The following CEP85L variants were observed in gnomAD, a reference collection of about 807,000 sequenced individuals.
CEP85L encodes the protein centrosomal protein 85L.
CEP85L carries 60 observed loss-of-function variants against 100.3 expected under a neutral mutation model. The observed-to-expected ratio is 0.60, with a 90% CI of 0.49 to 0.74. The LOEUF is 0.74. Ranked by LOEUF, CEP85L falls within the 30% of genes least tolerant of loss-of-function variation. The pLI is 0.00. For missense variants in CEP85L, 973 were observed against 936.2 expected, an observed-to-expected ratio of 1.04 and a Z score of -0.51; for synonymous variants, 319 against 322.7, an observed-to-expected ratio of 0.99 and a Z score of 0.12.
At chr6:118,615,705 G>C (rs575843915) in intron 2 of CEP85L, among the ~76,000 whole-genome samples, 1 of 152,214 alleles carries the variant, frequency 6.6e-6, no homozygotes, top group Non-Finnish European at 1.5e-5. Flanking sequence ...CTTGAGGGCT[G>C]CAGACGGAGG....
chr6:118,692,716 A>G (rs773075563), intron 1 of CEP85L, among the ~76,000 whole-genome samples: 26 of 64,942 alleles, frequency 4.0e-4, no homozygotes, highest in Non-Finnish European at 9.2e-4. Context: ...ACACTTTCAG[A>G]CTTGGGAAGA....
intron 2 of CEP85L, among the ~76,000 whole-genome samples, chr6:118,591,034 T>C (rs1781162274): frequency 6.6e-6 from 1 of 152,182 alleles, no homozygotes; most frequent in African/African-American, 2.4e-5. Flanking sequence ...TCAGTTCAGC[T>C]GGGTAAGGGT....
intron 1 of CEP85L, among the ~76,000 whole-genome samples, chr6:118,695,456 A>G (rs1777174472): frequency 6.6e-6 from 1 of 152,184 alleles, no homozygotes; most frequent in Non-Finnish European, 1.5e-5. Flanking sequence ...ATGCACCAAT[A>G]CTTTTTTAGA....
chr6:118,686,196 G>GT lies in CEP85L; in HGVS notation c.-28+23839dup, dbSNP rs11364398. 3.8e-3 allele frequency among the ~76,000 whole-genome samples: 560 copies of GT among 149,166 alleles called. 2 individuals are homozygous for GT. The highest frequency in any genetic ancestry group is 0.012 in the African/African-American group (499 of 40,574). On this transcript the variant is annotated intron_variant, in intron 1 of 13. Coordinates refer to the CEP85L transcript ENST00000368488. Reference sequence around the variant, plus strand: ...ATATGTTCTAAATGTAGCAACACATGTTTTTTTTTTTTTAGAAACAACTTT... The same window carrying GT: ...ATATGTTCTAAATGTAGCAACACATGTTTTTTTTTTTTTTAGAAACAACTTT...
chr6:118,512,020 A>T (rs889359950), intron 4 of CEP85L, among the ~76,000 whole-genome samples: 3 of 152,068 alleles, frequency 2.0e-5, no homozygotes, highest in Non-Finnish European at 2.9e-5. Flanking sequence ...GGCAGGGACT[A>T]GTTTTGCCCT....
Position 118,559,097 on chromosome 6 carries a change from C to G in CEP85L, c.1020+6432G>C, listed in dbSNP as rs970310064. ...CTTCTCTGAAGTTCTGCTACAACCT[C>G]TAGATCTGCAGCTTGCCACATCAGC... On this transcript the variant is annotated intron_variant, in intron 3 of 12. Transcript: ENST00000368491. The G allele has an allele frequency of 9.4e-6, 15 of 1,597,786 alleles. No individual in the cohort carries two copies. Among genetic ancestry groups the G allele is most frequent in the Non-Finnish European group, 1.3e-5 (15 of 1,165,138 alleles).
chr6:118,520,326 CTACT>C (rs888411551), intron 4 of CEP85L, among the ~76,000 whole-genome samples: 93 of 152,188 alleles, frequency 6.1e-4, no homozygotes, highest in South Asian at 4.1e-4. Flanking sequence ...AAAAAAATAC[CTACT>C]TAAACTAATA....
intron 1 of CEP85L, among the ~76,000 whole-genome samples, chr6:118,696,805 A>G (rs1378140667): frequency 1.3e-5 from 2 of 152,198 alleles, no homozygotes; most frequent in African/African-American, 4.8e-5. Context: ...GTTCTAAGAT[A>G]GGGTGGTGCA....
At chr6:118,607,060 C>G (rs1772273626) in intron 2 of CEP85L, among the ~76,000 whole-genome samples, 1 of 151,898 alleles carries the variant, frequency 6.6e-6, no homozygotes, top group African/African-American at 2.4e-5. Context: ...CAAGCTGCAT[C>G]ATAAAGGAAA....
intron 5 of CEP85L, among the ~76,000 whole-genome samples, chr6:118,498,362 A>G (rs1775057086): frequency 6.6e-6 from 1 of 152,048 alleles, no homozygotes; most frequent in Non-Finnish European, 1.5e-5. Flanking sequence ...TACAAATGAT[A>G]AAAGACAAAG....
intron 3 of CEP85L, among the ~76,000 whole-genome samples, chr6:118,538,694 T>A (rs377513253): frequency 8.6e-6 from 1 of 115,696 alleles, no homozygotes; most frequent in East Asian, 2.2e-4. Context: ...GACAGTAACT[T>A]ACTTTCTTTA....
chr6:118,617,719 T>TC (rs1773159880), intron 2 of CEP85L, among the ~76,000 whole-genome samples: 1 of 152,130 alleles, frequency 6.6e-6, no homozygotes, highest in African/African-American at 2.4e-5. Flanking sequence ...TCTCTCTTGG[T>TC]CCAAGTATCT....
intron 1 of CEP85L, among the ~76,000 whole-genome samples, chr6:118,660,740 C>A (rs1441013349): frequency 6.6e-6 from 1 of 152,210 alleles, no homozygotes; most frequent in Admixed American, 6.5e-5. Context: ...AAGATACTCT[C>A]ATTCCACTAC....
intron 8 of CEP85L, 80 bp downstream of exon 8, chr6:118,481,699 A>G: frequency 1.2e-6 from 1 of 857,894 alleles, no homozygotes; most frequent in South Asian, 2.3e-5. Flanking sequence ...ATAAAATAAA[A>G]ATTATAAATT....
In CEP85L at chr6:118,515,785, T is replaced by C. The variant is rs543605164; in HGVS notation, c.1140-4370A>G. Among the ~76,000 whole-genome samples the C allele has an allele frequency of 3.3e-5, 5 of 152,352 alleles. No individual in the cohort carries two copies. In the South Asian group the frequency reaches 1.0e-3, roughly 32 times the overall value. ...TTTTATTTTATTATACTTTAAGCTC[T>C]GGGGTACATGTGCAGAACGTGCAGG... On this transcript the variant is annotated intron_variant, in intron 4 of 12. Coordinates refer to ENST00000368491, the MANE Select transcript of CEP85L (RefSeq NM_001042475.3).
chr6:118,651,017 G>C (rs897024314), intron 1 of CEP85L, among the ~76,000 whole-genome samples, 180 bp downstream of exon 1: 1 of 152,168 alleles, frequency 6.6e-6, no homozygotes, highest in Admixed American at 6.5e-5. Context: ...CGCCTGGGAC[G>C]CGGCAAGCCA....
intron 1 of CEP85L, among the ~76,000 whole-genome samples, chr6:118,665,240 G>C (rs1379919041): frequency 6.6e-6 from 1 of 152,124 alleles, no homozygotes; most frequent in African/African-American, 2.4e-5. Context: ...GCTTCCTTGG[G>C]CTAGAAACAT....
At chr6:118,647,008 AAAGTT>A (rs1775243630) in intron 1 of CEP85L, 2 of 985,154 alleles carry the variant, frequency 2.0e-6, no homozygotes, top group Non-Finnish European at 2.4e-6. Context: ...AGTCATCACT[AAAGTT>A]AAGATTCACC....
In CEP85L at chr6:118,565,845, C is replaced by T; in HGVS notation, c.704G>A (p.Cys235Tyr). 1 of 1,614,044 alleles carries T rather than the reference C, an allele frequency of 6.2e-7. No homozygotes were observed. Among genetic ancestry groups the T allele is most frequent in the Non-Finnish European group, 8.5e-7 (1 of 1,180,020 alleles). Residue 235 changes from cysteine (C) to tyrosine (Y), a missense_variant, in exon 3 of 13, where the codon TGT becomes TAT. Physicochemically the swap from Cys to Tyr is radical, Grantham distance 194 (BLOSUM62 -2). This residue lies in a region of CEP85L where 890 missense variants were observed against 844.5 expected (regional missense o/e 1.05). Coordinates refer to ENST00000368491, the MANE Select transcript of CEP85L (RefSeq NM_001042475.3). ...AGAGGCTCTAAAGTCCTCCTTGCTACAGCTCTCAAATTTATACTTGCAGTC... is the reference window on the plus strand; with the variant it reads ...AGAGGCTCTAAAGTCCTCCTTGCTATAGCTCTCAAATTTATACTTGCAGTC... The part of the protein sequence containing the change: ...TLDCKYKFES[C>Y]SKEDFRASSS...
Sources: allele counts gnomAD v4.1 joint callset (sites outside exome capture counted in the v4.1 genomes callset), GRCh38; gene constraint gnomAD v4.1.1; regional missense constraint gnomAD v4.1.1; transcripts MANE v1.5; gene names NCBI Gene and HGNC (gene_info 2026-07-23, HGNC 2026-07-21).